The following LRCH1 variants were observed in gnomAD, a reference collection of about 807,000 sequenced individuals.
The protein encoded by LRCH1 is leucine rich repeats and calponin homology domain containing 1.
In LRCH1, 23 loss-of-function variants were observed where a neutral mutation model predicts 94.9. The ratio of observed to expected loss-of-function variants is 0.24; its 90% confidence interval spans 0.17 to 0.34. The LOEUF is 0.34. Ranked by LOEUF, LRCH1 falls within the 10% of genes least tolerant of loss-of-function variation. The pLI is 1.00. For missense variants in LRCH1, 790 were observed against 945.9 expected, an observed-to-expected ratio of 0.84 and a Z score of 2.16; for synonymous variants, 364 against 354.9, an observed-to-expected ratio of 1.03 and a Z score of -0.29.
intron 1 of LRCH1, among the ~76,000 whole-genome samples, chr13:46,613,656 C>G (rs1193868560): frequency 6.6e-6 from 1 of 152,214 alleles, no homozygotes; most frequent in Non-Finnish European, 1.5e-5. Context: ...GCTCTACTCA[C>G]AGAGATTCTG....
At chr13:46,559,931 G>A (rs28580563) in intron 1 of LRCH1, among the ~76,000 whole-genome samples, 4,211 of 152,136 alleles carry the variant, frequency 0.028, 180 homozygotes, top group African/African-American at 0.096. Flanking sequence ...CCATGGCATG[G>A]CATAATAACT....
chr13:46,742,019 G>T lies in LRCH1; in HGVS notation c.*171G>T. The T allele has an allele frequency of 2.7e-6, 4 of 1,465,034 alleles. No individual in the cohort carries two copies. In the South Asian group the frequency reaches 5.7e-5, roughly 21 times the overall value. 90.8% of individuals were successfully genotyped at this position (1,465,034 alleles called of 1,614,324 possible). ...CAGATTTTCCAGAAGCACAAACTTT[G>T]TAGAATACAGTTTAGTATAATTCCT... On this transcript the variant is annotated 3_prime_UTR_variant, in exon 20 of 20. Transcript: ENST00000389797.
At chr13:46,596,685 G>A (rs1238591013) in intron 1 of LRCH1, among the ~76,000 whole-genome samples, 14 of 152,228 alleles carry the variant, frequency 9.2e-5, no homozygotes, top group Non-Finnish European at 1.5e-5. Flanking sequence ...TTCAGGAAGT[G>A]CCTTCTGGAG....
intron 1 of LRCH1, among the ~76,000 whole-genome samples, chr13:46,568,430 A>G (rs2050208413): frequency 6.6e-6 from 1 of 152,222 alleles, no homozygotes; most frequent in South Asian, 2.1e-4. Context: ...GTTGTGTCAG[A>G]TTGAATCCAG....
chr13:46,708,276 CTTTT>C (rs10635302), intron 13 of LRCH1, among the ~76,000 whole-genome samples: 2 of 130,502 alleles, frequency 1.5e-5, no homozygotes, highest in African/African-American at 2.9e-5. Flanking sequence ...TTCATCCCAT[CTTTT>C]TTTTTTTTTT....
chr13:46,664,476 C>T (rs752877692), intron 2 of LRCH1, among the ~76,000 whole-genome samples: 20 of 152,140 alleles, frequency 1.3e-4, no homozygotes, highest in Non-Finnish European at 2.1e-4. Flanking sequence ...AGTACAGTAA[C>T]GTGTTGTACA....
At chr13:46,726,550 G>A (rs1458236603) in intron 17 of LRCH1, among the ~76,000 whole-genome samples, 17 of 152,042 alleles carry the variant, frequency 1.1e-4, no homozygotes, top group Non-Finnish European at 2.9e-5. Context: ...GAAACACTGT[G>A]GTCCCCCCTC....
In LRCH1 at chr13:46,744,804, A is replaced by C. The variant is rs1873840475; in HGVS notation, c.*2956A>C. 1 of 984,082 alleles carries C rather than the reference A, an allele frequency of 1.0e-6. No individual in the cohort carries two copies. Among genetic ancestry groups the C allele is most frequent in the South Asian group, 4.7e-5 (1 of 21,266 alleles). 61.0% of individuals were successfully genotyped at this position (984,082 alleles called of 1,614,324 possible). A position where few individuals can be genotyped will look rare whatever the true frequency, so the allele number is the denominator to read the frequency against. On this transcript the variant is annotated 3_prime_UTR_variant, in exon 20 of 20. Transcript: ENST00000389797. The stretch of plus-strand genomic sequence containing the variant: ...AGTTGTTTTGGATTAGGTGAAAAAT[A>C]CTTTAATATGATTTTATTTCAGGAG...
intron 16 of LRCH1, among the ~76,000 whole-genome samples, chr13:46,718,730 A>C (rs1872449501): frequency 6.6e-6 from 1 of 152,204 alleles, no homozygotes; most frequent in Non-Finnish European, 1.5e-5. Context: ...AAAGCTCGTG[A>C]TATTTTTTCA....
exon 19 of LRCH1, chr13:46,750,879 G>A (rs768898207): frequency 5.1e-4 from 192 of 373,550 alleles, no homozygotes; most frequent in Middle Eastern, 3.6e-3. Context: ...GGAGCTGGAG[G>A]AAAAAAAAAC....
At chr13:46,717,177 T>C (rs1288895881) in intron 16 of LRCH1, among the ~76,000 whole-genome samples, 3 of 151,878 alleles carry the variant, frequency 2.0e-5, no homozygotes, top group African/African-American at 7.3e-5. Flanking sequence ...CACTGTGGGG[T>C]TGAGGTGGAG....
Position 46,727,926 on chromosome 13 carries a change from T to TTCTTTC in LRCH1, c.1870-920_1870-919insCTTTCT, listed in dbSNP as rs372536698. The stretch of plus-strand genomic sequence containing the variant: ...ATTTCTTTCTTTCTTTCTTTCTTTT[T>TTCTTTC]TTTTTTTTGAGATGGGATCTCACTC... On this transcript the variant is annotated intron_variant, in intron 17 of 19. Transcript: ENST00000389797. Among the ~76,000 whole-genome samples the TTCTTTC allele has an allele frequency of 6.8e-3, 1,014 of 149,928 alleles. 4 individuals are homozygous for TTCTTTC. The highest frequency in any genetic ancestry group is 0.017 in the South Asian group (78 of 4,684).
intron 1 of LRCH1, among the ~76,000 whole-genome samples, chr13:46,593,907 C>T (rs1250663226): frequency 2.0e-5 from 3 of 152,028 alleles, no homozygotes; most frequent in African/African-American, 7.2e-5. Context: ...TTTCTTCTTT[C>T]CTGTGTCCTT....
At chr13:46,614,306 G>GT (rs1441560220) in intron 1 of LRCH1, among the ~76,000 whole-genome samples, 7 of 152,132 alleles carry the variant, frequency 4.6e-5, no homozygotes, top group Admixed American at 3.3e-4. Context: ...GCAGTATAGT[G>GT]TGACAGTTAG....
chr13:46,617,896 T>C (rs1033487123), intron 1 of LRCH1, among the ~76,000 whole-genome samples: 7 of 152,188 alleles, frequency 4.6e-5, no homozygotes, highest in African/African-American at 1.7e-4. Flanking sequence ...CAAATATTTT[T>C]GAGAATTTGC....
intron 2 of LRCH1, among the ~76,000 whole-genome samples, chr13:46,658,148 T>C (rs1041673525): frequency 6.6e-6 from 1 of 152,192 alleles, no homozygotes; most frequent in African/African-American, 2.4e-5. Flanking sequence ...GGAAGGCCTT[T>C]GTATTTTTAA....
chr13:46,677,214 A>G (rs2051686563), intron 3 of LRCH1, among the ~76,000 whole-genome samples: 1 of 148,516 alleles, frequency 6.7e-6, no homozygotes, highest in Non-Finnish European at 1.5e-5. Context: ...GTTCGAGACC[A>G]GCCTGGCCAA....
rs59354886 is a variant in LRCH1 at position 46,699,247 on chromosome 13, C to T, written c.1246-89C>T. ...TCCAGCTTTTGGCTATTGTGAATAA[C>T]GCTGTTATAAACATGGGCTGGGCAG... On this transcript the variant is annotated intron_variant, in intron 9 of 19. Coordinates refer to ENST00000389797, the MANE Select transcript of LRCH1 (RefSeq NM_001164211.2). 2.7e-3 allele frequency: 2,664 copies of T among 972,286 alleles called. 18 individuals carry two copies. Among genetic ancestry groups the T allele is most frequent in the African/African-American group, 0.017 (1,038 of 62,134 alleles). 60.2% of individuals were successfully genotyped at this position (972,286 alleles called of 1,614,324 possible).
chr13:46,656,561 A>G (rs1283123193), intron 2 of LRCH1, among the ~76,000 whole-genome samples: 1 of 152,258 alleles, frequency 6.6e-6, no homozygotes, highest in African/African-American at 2.4e-5. Context: ...GAAAGACACC[A>G]AAAACACAGT....
Sources: allele counts gnomAD v4.1 joint callset (sites outside exome capture counted in the v4.1 genomes callset), GRCh38; gene constraint gnomAD v4.1.1; transcripts MANE v1.5; gene names NCBI Gene and HGNC (gene_info 2026-07-23, HGNC 2026-07-21).